The following MSRB2 variants were observed in gnomAD, a reference collection of about 807,000 sequenced individuals.
MSRB2 encodes methionine sulfoxide reductase B2.
In MSRB2, 17 loss-of-function variants were observed where a neutral mutation model predicts 19.0. The observed-to-expected ratio is 0.89, with a 90% confidence interval of 0.61 to 1.34. The LOEUF (loss-of-function observed/expected upper bound fraction) is 1.34, where lower values mean the gene tolerates loss of function less well. MSRB2 is among the 40% of genes most tolerant of loss of function. MSRB2 has a pLI of 0.00. For missense variants in MSRB2, 208 were observed against 237.6 expected, an observed-to-expected ratio of 0.88 and a Z score of 0.82; for synonymous variants, 107 against 99.7, an observed-to-expected ratio of 1.07 and a Z score of -0.44.
intron 4 of MSRB2, among the ~76,000 whole-genome samples, chr10:23,119,840 C>T: frequency 6.6e-6 from 1 of 152,076 alleles, no homozygotes; most frequent in Non-Finnish European, 1.5e-5. Flanking sequence ...AGTGATCCAC[C>T]TGCCTCGGCC....
intron 1 of MSRB2, among the ~76,000 whole-genome samples, chr10:23,103,616 T>C (rs745807712): frequency 1.3e-5 from 2 of 152,204 alleles, no homozygotes; most frequent in Non-Finnish European, 2.9e-5. Flanking sequence ...CTATATGCTA[T>C]GGGAGTTTCT....
In MSRB2 at chr10:23,113,751, G is replaced by C. The variant is rs141622049; in HGVS notation, c.296+3433G>C. On this transcript the variant is annotated intron_variant, in intron 3 of 4. Transcript: ENST00000376510. Reference sequence around the variant, plus strand: ...TAAGAAGAAGAGAAGCCCAGACAGAGAGGAGACAGCCATGTGAAAACGGAA... The same window carrying C: ...TAAGAAGAAGAGAAGCCCAGACAGACAGGAGACAGCCATGTGAAAACGGAA... 3.3e-5 allele frequency among the ~76,000 whole-genome samples: 5 copies of C among 152,268 alleles called. No individual in the cohort carries two copies. In the East Asian group the frequency reaches 9.7e-4, roughly 29 times the overall value.
intron 1 of MSRB2, among the ~76,000 whole-genome samples, chr10:23,098,082 A>G (rs995491121): frequency 3.3e-5 from 5 of 152,184 alleles, no homozygotes; most frequent in Admixed American, 6.5e-5. Context: ...CTTTCTAGAG[A>G]TGACTATGCT....
At chr10:23,096,210 C>G (rs970570229) in intron 1 of MSRB2, among the ~76,000 whole-genome samples, 2 of 152,172 alleles carry the variant, frequency 1.3e-5, no homozygotes, top group Admixed American at 1.3e-4. Flanking sequence ...TGAGTGTTTC[C>G]TGCCCTGCTG....
intron 4 of MSRB2, among the ~76,000 whole-genome samples, chr10:23,119,760 A>G (rs891947898): frequency 6.6e-6 from 1 of 151,804 alleles, no homozygotes; most frequent in Admixed American, 6.6e-5. Context: ...ACACCCAGTG[A>G]ATTTTTGTAT....
intron 3 of MSRB2, among the ~76,000 whole-genome samples, chr10:23,116,830 G>A (rs1482260032): frequency 6.6e-6 from 1 of 152,118 alleles, no homozygotes; most frequent in Non-Finnish European, 1.5e-5. Context: ...AAGTGTAGGG[G>A]TGCATGACTT....
At chr10:23,108,338 A>G (rs947287785) in intron 2 of MSRB2, among the ~76,000 whole-genome samples, 42 of 152,300 alleles carry the variant, frequency 2.8e-4, no homozygotes, top group African/African-American at 1.0e-3. Flanking sequence ...CCCCCCTGCA[A>G]TAATGAAATT....
At position 23,114,743 on chromosome 10, in the gene MSRB2, G is replaced by A. The variant is rs114582807; in HGVS notation, c.296+4425G>A. The stretch of plus-strand genomic sequence containing the variant: ...AGTGTTATTATCATTCTCATTTCAC[G>A]TGAGGAAACTGAGAGCTAGGAAGAT... On this transcript the variant is annotated intron_variant, in intron 3 of 4. Transcript: ENST00000376510. 7.2e-3 allele frequency among the ~76,000 whole-genome samples: 1,093 copies of A among 152,228 alleles called. 17 individuals carry two copies. Among genetic ancestry groups the A allele is most frequent in the South Asian group, 0.025 (122 of 4,820 alleles).
At position 23,120,750 on chromosome 10, in the gene MSRB2, C is replaced by G; in HGVS notation, c.445-8C>G. The G allele has an allele frequency of 6.2e-7, 1 of 1,608,806 alleles. No individual in the cohort carries two copies. Among genetic ancestry groups the G allele is most frequent in the Non-Finnish European group, 8.5e-7 (1 of 1,175,898 alleles). On this transcript the variant is annotated splice_polypyrimidine_tract_variant and splice_region_variant and intron_variant, in intron 4 of 4. Transcript: ENST00000376510. ...TTTGGAGATGACAGAGGCTTCTGTC[C>G]TTTGCAGTGTGAAGCTCATCTAGGT...
chr10:23,115,772 C>G (rs576912417), intron 3 of MSRB2, among the ~76,000 whole-genome samples: 159 of 152,194 alleles, frequency 1.0e-3, no homozygotes, highest in African/African-American at 3.7e-3. Flanking sequence ...AAAAATCTCC[C>G]GATTCTGCTA....
intron 1 of MSRB2, among the ~76,000 whole-genome samples, chr10:23,099,418 C>T (rs1232515998): frequency 6.6e-6 from 1 of 152,114 alleles, no homozygotes; most frequent in African/African-American, 2.4e-5. Flanking sequence ...AGTTTTCGCA[C>T]ACATTAAAAA....
chr10:23,110,437 G>A, intron 3 of MSRB2, 119 bp downstream of exon 3: 1 of 762,924 alleles, frequency 1.3e-6, no homozygotes. Context: ...TTTTTAAATT[G>A]CTCTTCTCAT....
chr10:23,101,194 T>C (rs1428262257), intron 1 of MSRB2, among the ~76,000 whole-genome samples: 1 of 152,190 alleles, frequency 6.6e-6, no homozygotes, highest in African/African-American at 2.4e-5. Flanking sequence ...CAAAGTCTAT[T>C]GTATCATTCT....
At chr10:23,114,943 G>A (rs894545835) in intron 3 of MSRB2, among the ~76,000 whole-genome samples, 1 of 152,162 alleles carries the variant, frequency 6.6e-6, no homozygotes, top group Admixed American at 6.5e-5. Flanking sequence ...TATTACAGGT[G>A]TAAGTTTCCC....
At chr10:23,099,825 G>T (rs1429073607) in intron 1 of MSRB2, among the ~76,000 whole-genome samples, 1 of 152,242 alleles carries the variant, frequency 6.6e-6, no homozygotes, top group East Asian at 1.9e-4. Context: ...GGGAGAGGGA[G>T]CTGGGAACCC....
intron 1 of MSRB2, among the ~76,000 whole-genome samples, chr10:23,101,994 T>G (rs1839930495): frequency 2.6e-5 from 4 of 152,156 alleles, no homozygotes; most frequent in African/African-American, 9.7e-5. Flanking sequence ...GGAGGACTGG[T>G]CAGGTTCCTT....
At chr10:23,118,247 G>A (rs938149369) in intron 3 of MSRB2, among the ~76,000 whole-genome samples, 17 of 151,854 alleles carry the variant, frequency 1.1e-4, no homozygotes, top group Admixed American at 7.9e-4. Flanking sequence ...TTGTTTCTGT[G>A]GGAGTTTGTG....
chr10:23,097,491 C>T (rs927729898), intron 1 of MSRB2, among the ~76,000 whole-genome samples: 3 of 152,186 alleles, frequency 2.0e-5, no homozygotes, highest in Non-Finnish European at 4.4e-5. Context: ...CAGGAAGGAC[C>T]ACTAATCCCT....
chr10:23,114,349 CAA>C (rs764900482), intron 3 of MSRB2, among the ~76,000 whole-genome samples: 5 of 49,280 alleles, frequency 1.0e-4, no homozygotes, highest in Non-Finnish European at 8.9e-5. Context: ...GACTCCATCT[CAA>C]AAAAAAAAAA....
Sources: allele counts gnomAD v4.1 joint callset (sites outside exome capture counted in the v4.1 genomes callset), GRCh38; gene constraint gnomAD v4.1.1; transcripts MANE v1.5; gene names NCBI Gene and HGNC (gene_info 2026-07-23, HGNC 2026-07-21).